GRB10: variants seen among roughly 807,000 people sequenced by gnomAD.
The protein encoded by GRB10 is growth factor receptor bound protein 10, also known as growth factor receptor-bound protein 10.
In GRB10, 20 loss-of-function variants were observed where a neutral mutation model predicts 80.9. That is an observed-to-expected ratio of 0.25 (90% CI 0.17 to 0.36). GRB10 has a LOEUF of 0.36. Ranked by LOEUF, GRB10 falls within the 10% of genes least tolerant of loss-of-function variation. The probability of loss-of-function intolerance (pLI) is 1.00; values close to 1 mark genes in which losing one functional copy is unlikely to be tolerated. For synonymous variants in GRB10, 291 were observed against 291.5 expected, an observed-to-expected ratio of 1.00 and a Z score of 0.02; for missense variants, 548 against 747.7, an observed-to-expected ratio of 0.73 and a Z score of 3.12.
intron 7 of GRB10, among the ~76,000 whole-genome samples, chr7:50,628,649 G>A (rs989151551): frequency 1.3e-5 from 2 of 152,106 alleles, no homozygotes; most frequent in Non-Finnish European, 2.9e-5. Flanking sequence ...CCCAGCAGAC[G>A]GGGGACCAGC....
chr7:50,676,344 G>GGGGGGGGGGGGC (rs1563400777), intron 5 of GRB10, among the ~76,000 whole-genome samples: 17 of 135,912 alleles, frequency 1.3e-4, no homozygotes, highest in Admixed American at 2.9e-4. Flanking sequence ...CCGGGGGGGG[G>GGGGGGGGGGGGC]GGGGGGTTGT....
chr7:50,615,708 T>C (rs1385579522), intron 11 of GRB10, among the ~76,000 whole-genome samples: 2 of 152,238 alleles, frequency 1.3e-5, no homozygotes, highest in African/African-American at 2.4e-5. Context: ...AGAGTGTACA[T>C]GGGAGCAAAG....
chr7:50,594,928 C>T (rs1323440854), intron 18 of GRB10, among the ~76,000 whole-genome samples: 1 of 152,220 alleles, frequency 6.6e-6, no homozygotes, highest in Non-Finnish European at 1.5e-5. Flanking sequence ...CTTAACGCTT[C>T]TTGGATAGCC....
chr7:50,643,490 G>C (rs542715362), intron 7 of GRB10, among the ~76,000 whole-genome samples: 122 of 152,274 alleles, frequency 8.0e-4, no homozygotes, highest in Non-Finnish European at 1.1e-3. Flanking sequence ...AAGGAAACTA[G>C]AGATCTTAAA....
chr7:50,775,955 C>T (rs772733568), intron 2 of GRB10, among the ~76,000 whole-genome samples: 14 of 152,192 alleles, frequency 9.2e-5, no homozygotes, highest in Non-Finnish European at 1.6e-4. Context: ...GTCCTGCAGA[C>T]GCCCAAGGCC....
In GRB10 at chr7:50,635,864, G is replaced by A. The variant is rs186102812; in HGVS notation, c.505-8886C>T. ...AGAAATCCTAAATAGACAAGTAGGG[G>A]TAATAAAATGGAATCAGTAATTATA... On this transcript the variant is annotated intron_variant, in intron 7 of 18. Coordinates refer to ENST00000401949, the MANE Select transcript of GRB10 (RefSeq NM_001350814.2). Among the ~76,000 whole-genome samples, 5 of 146,380 alleles carry A rather than the reference G, an allele frequency of 3.4e-5. No homozygotes were observed. The East Asian group carries it at 1.0e-3, about 30-fold the overall frequency.
chr7:50,754,274 T>C (rs1402244621), intron 3 of GRB10, among the ~76,000 whole-genome samples: 1 of 152,238 alleles, frequency 6.6e-6, no homozygotes, highest in Non-Finnish European at 1.5e-5. Flanking sequence ...GAGCTATCAC[T>C]GGCCACAAAG....
intron 7 of GRB10, among the ~76,000 whole-genome samples, chr7:50,640,831 T>C (rs2056090780): frequency 1.3e-5 from 2 of 152,234 alleles, no homozygotes; most frequent in African/African-American, 4.8e-5. Flanking sequence ...ATCTATTCCT[T>C]GTACATTGTT....
chr7:50,614,911 A>C, intron 11 of GRB10, 31 bp from the exon 12 acceptor site: 2 of 1,387,718 alleles, frequency 1.4e-6, no homozygotes, highest in Non-Finnish European at 2.1e-6. Context: ...TTAAAGTCTC[A>C]AGCACAGCAA....
At chr7:50,654,510 T>C (rs1475823422) in intron 7 of GRB10, among the ~76,000 whole-genome samples, 1 of 152,174 alleles carries the variant, frequency 6.6e-6, no homozygotes, top group African/African-American at 2.4e-5. Flanking sequence ...TTCTGTGAGG[T>C]TTCTCCTCTA....
intron 2 of GRB10, among the ~76,000 whole-genome samples, chr7:50,757,045 C>T (rs2075183516): frequency 6.6e-6 from 1 of 152,138 alleles, no homozygotes; most frequent in East Asian, 1.9e-4. Context: ...AAAATGAAAC[C>T]TGCCCCTGCC....
intron 3 of GRB10, 68 bp from the exon 4 acceptor site, chr7:50,732,436 G>T: frequency 3.2e-6 from 3 of 936,048 alleles, no homozygotes; most frequent in Non-Finnish European, 3.4e-6. Context: ...CTTATGGCTG[G>T]TTCAAGTGTG....
At position 50,703,803 on chromosome 7, in the gene GRB10, G is replaced by A. The variant is rs775745674; in HGVS notation, c.139+18C>T. On this transcript the variant is annotated intron_variant, in intron 5 of 18. Transcript: ENST00000401949. ...AAGCTAGAACTGGGAGTGTTCTTGT[G>A]TTTTGCTCATTCCTTACCCTGGTGA... The A allele has an allele frequency of 1.3e-6, 2 of 1,590,082 alleles. No homozygotes were observed. Among genetic ancestry groups the A allele is most frequent in the South Asian group, 2.2e-5 (2 of 90,538 alleles).
At chr7:50,730,324 C>T (rs987649575) in intron 4 of GRB10, among the ~76,000 whole-genome samples, 2 of 152,180 alleles carry the variant, frequency 1.3e-5, no homozygotes, top group African/African-American at 4.8e-5. Flanking sequence ...CAAGCCACTG[C>T]TGCAAGTGAA....
rs557955229 is a variant in GRB10, at chr7:50,648,627, C to T, written c.504+21095G>A. Among the ~76,000 whole-genome samples, 18 of 152,234 alleles carry T rather than the reference C, an allele frequency of 1.2e-4. 1 individual carries two copies. The highest frequency in any genetic ancestry group is 8.3e-4 in the South Asian group (4 of 4,820). On this transcript the variant is annotated intron_variant, in intron 7 of 18. Transcript: ENST00000401949. ...GAGCATAGGTCCCCCTCCCATAGAACGCCTGGGGACTTTCCAGTTGACCAC... is the reference window on the plus strand; with the variant it reads ...GAGCATAGGTCCCCCTCCCATAGAATGCCTGGGGACTTTCCAGTTGACCAC...
chr7:50,682,930 A>C (rs2061702333), intron 5 of GRB10, among the ~76,000 whole-genome samples: 1 of 152,202 alleles, frequency 6.6e-6, no homozygotes, highest in Admixed American at 6.5e-5. Flanking sequence ...AGAAATACAA[A>C]TTTGTTTTTC....
intron 7 of GRB10, among the ~76,000 whole-genome samples, chr7:50,650,430 G>A (rs1345095365): frequency 7.1e-6 from 1 of 141,256 alleles, no homozygotes; most frequent in East Asian, 2.2e-4. Context: ...AGCCAGAGAG[G>A]AATGTGGCCA....
intron 5 of GRB10, among the ~76,000 whole-genome samples, chr7:50,690,436 G>A (rs2062681381): frequency 6.6e-6 from 1 of 152,122 alleles, no homozygotes; most frequent in African/African-American, 2.4e-5. Flanking sequence ...TCTACCTAGG[G>A]GAAATTTAAA....
intron 7 of GRB10, among the ~76,000 whole-genome samples, chr7:50,664,271 C>G (rs761885904): frequency 3.3e-5 from 5 of 152,240 alleles, no homozygotes; most frequent in Admixed American, 3.3e-4. Context: ...CCAGCCTGAA[C>G]AGTCAAATGT....
Sources: allele counts gnomAD v4.1 joint callset (sites outside exome capture counted in the v4.1 genomes callset), GRCh38; gene constraint gnomAD v4.1.1; transcripts MANE v1.5; gene names NCBI Gene and HGNC (gene_info 2026-07-23, HGNC 2026-07-21).